The following TTC3 variants were observed in gnomAD, a reference collection of about 807,000 sequenced individuals.
The protein encoded by TTC3 is tetratricopeptide repeat domain 3, also known as E3 ubiquitin-protein ligase TTC3.
A neutral mutation model predicts 249.6 loss-of-function variants in TTC3; 180 were observed. That is an observed-to-expected ratio of 0.72 (90% confidence interval 0.64 to 0.82). The LOEUF (loss-of-function observed/expected upper bound fraction) is 0.82. Ranked by LOEUF, TTC3 falls within the 40% of genes least tolerant of loss-of-function variation. The pLI is 0.00. For missense variants in TTC3, 2,061 were observed against 2,398.4 expected, an observed-to-expected ratio of 0.86 and a Z score of 2.94; for synonymous variants, 717 against 805.0, an observed-to-expected ratio of 0.89 and a Z score of 1.85.
intron 14 of TTC3, 142 bp downstream of exon 14, chr21:37,124,884 TTAAA>T (rs1008864312): frequency 1.3e-5 from 9 of 703,568 alleles, no homozygotes; most frequent in Admixed American, 6.6e-5. Flanking sequence ...TGATTCTCTT[TTAAA>T]TAAATAATCT....
chr21:37,115,174 T>TATAATAATAATAATAATAATATA (rs2076028533), intron 11 of TTC3, among the ~76,000 whole-genome samples: 1 of 144,500 alleles, frequency 6.9e-6, no homozygotes, highest in African/African-American at 2.5e-5. Flanking sequence ...AAACTTAAAG[T>TATAATAATAATAATAATAATATA]ATAATAATAA....
intron 39 of TTC3, among the ~76,000 whole-genome samples, chr21:37,189,698 C>A (rs2083771742): frequency 6.6e-6 from 1 of 152,038 alleles, no homozygotes; most frequent in Admixed American, 6.6e-5. Context: ...CAGGTGCCCG[C>A]CACCACTCCC....
intron 11 of TTC3, among the ~76,000 whole-genome samples, chr21:37,116,802 A>G (rs1399756004): frequency 6.6e-6 from 1 of 152,106 alleles, no homozygotes; most frequent in Non-Finnish European, 1.5e-5. Context: ...GTGAAACTCC[A>G]TCTAAAAAAT....
intron 1 of TTC3, among the ~76,000 whole-genome samples, chr21:37,080,576 C>G (rs932907372): frequency 1.3e-5 from 2 of 152,080 alleles, no homozygotes; most frequent in Non-Finnish European, 2.9e-5. Context: ...AATATTCCAC[C>G]ATTACTAGTT....
chr21:37,166,080 A>G (rs1569120120), exon 33 of TTC3: 2 of 1,614,190 alleles, frequency 1.2e-6, no homozygotes, highest in East Asian at 2.2e-5. Context: ...GCAAATTACA[A>G]GCGAGTCTCC....
chr21:37,145,914 C>G (rs775650619), intron 21 of TTC3, among the ~76,000 whole-genome samples: 2 of 152,194 alleles, frequency 1.3e-5, no homozygotes, highest in Non-Finnish European at 2.9e-5. Flanking sequence ...CAAAACACCT[C>G]CCACTGTGCC....
chr21:37,140,488 C>T, intron 19 of TTC3, 73 bp from the exon 20 acceptor site: 1 of 1,055,048 alleles, frequency 9.5e-7, no homozygotes, highest in Non-Finnish European at 1.3e-6. Flanking sequence ...TAAAAAAAAT[C>T]AACCTTTAGA....
intron 9 of TTC3, 136 bp from the exon 10 acceptor site, chr21:37,096,445 G>T (rs960100986): frequency 8.5e-6 from 5 of 589,618 alleles, no homozygotes; most frequent in Non-Finnish European, 1.5e-5. Context: ...TAAGACTCCA[G>T]GTCCTATATT....
At chr21:37,105,279 A>G (rs987812913) in intron 10 of TTC3, among the ~76,000 whole-genome samples, 3 of 152,182 alleles carry the variant, frequency 2.0e-5, no homozygotes, top group Admixed American at 1.3e-4. Flanking sequence ...GTGTTTGGGG[A>G]GAGAGACCCA....
At chr21:37,093,149 G>A (rs1259243512) in intron 7 of TTC3, among the ~76,000 whole-genome samples, 1 of 151,964 alleles carries the variant, frequency 6.6e-6, no homozygotes, top group Non-Finnish European at 1.5e-5. Flanking sequence ...AGGCCGAGGC[G>A]GGTGGATCAC....
At chr21:37,117,822 G>A (rs2076268147) in intron 11 of TTC3, among the ~76,000 whole-genome samples, 1 of 128,570 alleles carries the variant, frequency 7.8e-6, no homozygotes, top group Non-Finnish European at 1.5e-5. Flanking sequence ...AGCGAGCTAT[G>A]ATTGCGCCAC....
rs1354724068 is a variant in TTC3 at position 37,196,344 on chromosome 21, C to A, written c.5579+308C>A. 3.3e-5 allele frequency among the ~76,000 whole-genome samples: 5 copies of A among 150,000 alleles called. 1 individual carries two copies. The highest frequency in any genetic ancestry group is 1.2e-4 in the African/African-American group (5 of 40,626). On this transcript the variant is annotated intron_variant, in intron 42 of 45. Transcript: ENST00000355666. ...CTCTCCCTCCCGAGTTCAAGCGATT[C>A]TCCTGCCTCAGCCTCCTGAGAAGCT...
intron 35 of TTC3, among the ~76,000 whole-genome samples, chr21:37,182,393 G>A (rs1043758823): frequency 6.6e-6 from 1 of 152,232 alleles, no homozygotes; most frequent in Non-Finnish European, 1.5e-5. Context: ...TGACCAGCAA[G>A]AGGATTACAT....
chr21:37,082,651 G>T (rs191283655), intron 1 of TTC3: 2 of 985,190 alleles, frequency 2.0e-6, no homozygotes, highest in African/African-American at 1.7e-5. Flanking sequence ...TTGCTTTTGC[G>T]TGGAGAGGGT....
chr21:37,157,332 G>A, intron 28 of TTC3: 2 of 515,760 alleles, frequency 3.9e-6, no homozygotes, highest in Non-Finnish European at 6.2e-6. Flanking sequence ...CCTAGAACTG[G>A]GGGTCAGGAA....
At chr21:37,108,639 C>A (rs1178827949) in intron 11 of TTC3, among the ~76,000 whole-genome samples, 193 bp downstream of exon 11, 1 of 152,088 alleles carries the variant, frequency 6.6e-6, no homozygotes, top group African/African-American at 2.4e-5. Flanking sequence ...TGCGTGAGGA[C>A]AGGTGGCCTG....
At chr21:37,097,593 A>G (rs1251591456) in intron 10 of TTC3, among the ~76,000 whole-genome samples, 1 of 152,234 alleles carries the variant, frequency 6.6e-6, no homozygotes, top group Non-Finnish European at 1.5e-5. Context: ...GTCCATAAAG[A>G]AACAGGACAC....
chr21:37,116,558 T>C (rs1180936064), intron 11 of TTC3, among the ~76,000 whole-genome samples: 1 of 152,104 alleles, frequency 6.6e-6, no homozygotes, highest in East Asian at 1.9e-4. Context: ...CCTGTAATCC[T>C]AGCACTTCAG....
chr21:37,091,224 T>C, intron 6 of TTC3, 69 bp from the exon 7 acceptor site: 1 of 1,514,334 alleles, frequency 6.6e-7, no homozygotes, highest in Non-Finnish European at 9.0e-7. Flanking sequence ...ATAAGATGAA[T>C]TTATAATGCC....
Sources: gnomAD v4.1 joint callset for allele counts (sites outside exome capture counted in the v4.1 genomes callset) on GRCh38, gnomAD v4.1.1 for gene constraint, MANE v1.5 for transcripts, NCBI Gene and HGNC (gene_info 2026-07-23, HGNC 2026-07-21) for gene names.